ERAP1: variants seen among roughly 807,000 people sequenced by gnomAD.
The protein encoded by ERAP1 is adipocyte-derived leucine aminopeptidase.
Under a neutral mutation model 103.7 loss-of-function variants are expected in ERAP1, and 86 were observed. The ratio of observed to expected loss-of-function variants is 0.83; its 90% CI spans 0.70 to 0.99. ERAP1 has a LOEUF of 0.99. Among genes scored for constraint, ERAP1 ranks in the 50% least tolerant of loss-of-function variants. The pLI is 0.00. For synonymous variants in ERAP1, 398 were observed against 402.4 expected, an observed-to-expected ratio of 0.99 and a Z score of 0.13; for missense variants, 1,009 against 1,128.4, an observed-to-expected ratio of 0.89 and a Z score of 1.52.
chr5:96,853,850 T>TA, the ERAP1 span, among the ~76,000 whole-genome samples: 13,859 of 143,690 alleles, frequency 0.096, 801 homozygotes, highest in South Asian at 0.18. Flanking sequence ...TTAAAAGTTC[T>TA]AAAAAAAAAA....
At chr5:96,824,410 T>C in the ERAP1 span, among the ~76,000 whole-genome samples, 3 of 152,184 alleles carry the variant, frequency 2.0e-5, no homozygotes, top group South Asian at 2.1e-4. Context: ...CACCTATGAA[T>C]TGGATCCTAT....
At chr5:96,805,936 G>A (rs1778546190) in intron 1 of ERAP1, 1 of 152,432 alleles carries the variant, frequency 6.6e-6, no homozygotes, top group Non-Finnish European at 1.5e-5. Flanking sequence ...TGCTGCGGAA[G>A]GGGTTGGTAC....
the ERAP1 span, among the ~76,000 whole-genome samples, chr5:96,920,306 T>TTA: frequency 7.0e-6 from 1 of 143,078 alleles, no homozygotes. Context: ...CCCTGTCATT[T>TTA]AAAAAAAAAA....
chr5:96,778,021 C>T (rs921348442), intron 18 of ERAP1, among the ~76,000 whole-genome samples: 3 of 152,170 alleles, frequency 2.0e-5, no homozygotes, highest in African/African-American at 4.8e-5. Context: ...CCAGTCTCCT[C>T]ATTTGTAAAA....
At chr5:96,843,843 C>A in the ERAP1 span, among the ~76,000 whole-genome samples, 1 of 152,110 alleles carries the variant, frequency 6.6e-6, no homozygotes, top group Non-Finnish European at 1.5e-5. Context: ...TTCTACTGAC[C>A]CTAAATTTTT....
chr5:96,833,959 A>G, the ERAP1 span, among the ~76,000 whole-genome samples: 1 of 152,218 alleles, frequency 6.6e-6, no homozygotes, highest in Non-Finnish European at 1.5e-5. Flanking sequence ...ATGTAGTAGT[A>G]ATGATCCATT....
At chr5:96,909,081 C>A in the ERAP1 span, 1 of 1,614,092 alleles carries the variant, frequency 6.2e-7, no homozygotes, top group African/African-American at 1.3e-5. Context: ...ACATGATGGA[C>A]AGAAGGAATA....
At chr5:96,889,304 G>A in the ERAP1 span, 2 of 1,613,920 alleles carry the variant, frequency 1.2e-6, no homozygotes, top group Non-Finnish European at 1.7e-6. Context: ...TCTCCAAACT[G>A]GGTATGTTCA....
At chr5:96,883,797 T>C in the ERAP1 span, 1 of 1,610,644 alleles carries the variant, frequency 6.2e-7, no homozygotes, top group Non-Finnish European at 8.5e-7. Context: ...CACAGAATTC[T>C]TGCAGTAACA....
chr5:96,898,489 C>A, the ERAP1 span, among the ~76,000 whole-genome samples: 26 of 150,746 alleles, frequency 1.7e-4, no homozygotes, highest in Admixed American at 1.7e-3. Context: ...TGCTTGTAAT[C>A]CCATCACTTT....
At chr5:96,792,492 C>G (rs1389611499) in intron 7 of ERAP1, among the ~76,000 whole-genome samples, 6 of 152,168 alleles carry the variant, frequency 3.9e-5, no homozygotes, top group Non-Finnish European at 8.8e-5. Context: ...AGCAACACAA[C>G]AAGAAATTAA....
In ERAP1 at chr5:96,783,053, CAA is replaced by C; in HGVS notation, c.2281_2282del (p.Leu761GlufsTer26). 6.2e-7 allele frequency: 1 copy of C among 1,614,230 alleles called. No homozygotes were observed. Among genetic ancestry groups the C allele is most frequent in the Non-Finnish European group, 8.5e-7 (1 of 1,180,038 alleles). On this transcript the variant is annotated frameshift_variant, in exon 15 of 19. Coordinates refer to ENST00000443439, the MANE Select transcript of ERAP1 (RefSeq NM_001040458.3). LOFTEE classifies it high-confidence loss of function. ...TTGGTTATTTAGTAAGGACTGACCT[CAA>C]GTTTCCATTGGATTCCTTCCACTTT... is the stretch of plus-strand genomic sequence containing the variant. ...FRKWKESNGN[L>X]SLPVDVTLAV...
chr5:96,790,676 A>G (rs1776637119), intron 8 of ERAP1, 33 bp from the exon 9 acceptor site: 1 of 1,580,502 alleles, frequency 6.3e-7, no homozygotes, highest in East Asian at 2.2e-5. Flanking sequence ...TGTTATCTAT[A>G]GTTTCATTGC....
chr5:96,863,164 C>A, the ERAP1 span, among the ~76,000 whole-genome samples: 1 of 152,118 alleles, frequency 6.6e-6, no homozygotes, highest in Non-Finnish European at 1.5e-5. Context: ...CCCACCTTCA[C>A]TCCCTGTGTG....
At chr5:96,804,970 AATTT>A (rs1778410708) in intron 1 of ERAP1, 1 of 145,442 alleles carries the variant, frequency 6.9e-6, no homozygotes, top group Non-Finnish European at 1.5e-5. Flanking sequence ...AGGCAATGTG[AATTT>A]TAAGGAAGTT....
At chr5:96,907,336 A>C in the ERAP1 span, among the ~76,000 whole-genome samples, 14 of 152,250 alleles carry the variant, frequency 9.2e-5, no homozygotes, top group Non-Finnish European at 1.9e-4. Context: ...AATTAAAAGA[A>C]ATAGGCAACT....
the ERAP1 span, among the ~76,000 whole-genome samples, chr5:96,929,951 T>C: frequency 4.6e-5 from 7 of 152,198 alleles, no homozygotes; most frequent in Non-Finnish European, 1.0e-4. Flanking sequence ...ACATTTTGGT[T>C]GCTTAACTCC....
chr5:96,866,616 AG>A, the ERAP1 span, among the ~76,000 whole-genome samples: 1 of 152,176 alleles, frequency 6.6e-6, no homozygotes, highest in Admixed American at 6.5e-5. Flanking sequence ...GCAGCTATAA[AG>A]CCATAGTTCC....
chr5:96,915,167 C>A, the ERAP1 span, among the ~76,000 whole-genome samples: 1 of 151,960 alleles, frequency 6.6e-6, no homozygotes, highest in Admixed American at 6.6e-5. Flanking sequence ...ACCACCATGC[C>A]CAGCTAATTT....
Sources: gnomAD v4.1 joint callset for allele counts (sites outside exome capture counted in the v4.1 genomes callset) on GRCh38, gnomAD v4.1.1 for gene constraint, MANE v1.5 for transcripts, NCBI Gene and HGNC (gene_info 2026-07-23, HGNC 2026-07-21) for gene names.